Variants in ADSS1 observed in about 807,000 individuals in gnomAD.
ADSS1 encodes the protein adenylosuccinate synthetase isozyme 1.
In ADSS1, 57 loss-of-function variants were observed where a neutral mutation model predicts 59.1. The ratio of observed to expected loss-of-function variants is 0.97; its 90% CI spans 0.78 to 1.20. ADSS1 has a LOEUF of 1.20. ADSS1 is among the 50% of genes most tolerant of loss of function. ADSS1 has a pLI of 0.00. For missense variants in ADSS1, 603 were observed against 610.3 expected (o/e 0.99, Z 0.13); for synonymous variants, 247 against 249.4 (o/e 0.99, Z 0.09).
chr14:104,731,057 C>T, intron 1 of ADSS1, among the ~76,000 whole-genome samples: 1 of 109,544 alleles, frequency 9.1e-6, no homozygotes, highest in South Asian at 3.3e-4. Flanking sequence ...AACCTGGAGG[C>T]AGGTAGAGAG....
chr14:104,742,061 G>A (rs902154407), intron 9 of ADSS1, 59 bp downstream of exon 9: 20 of 1,592,556 alleles, frequency 1.3e-5, no homozygotes, highest in African/African-American at 2.7e-5. Flanking sequence ...CAGGGGTGCC[G>A]GGGGTGGGGT....
rs761771211 is a variant in ADSS1 at position 104,735,083 on chromosome 14, C to A, written c.256C>A (p.Pro86Thr). ...DGKEYDFHLL[P>T]SGIINTKAVS... ...GAAAGAGTACGACTTCCACCTGCTGCCCAGCGGCATCATCAACACCAAGGC... is the reference window on the plus strand; with the variant it reads ...GAAAGAGTACGACTTCCACCTGCTGACCAGCGGCATCATCAACACCAAGGC... The change falls in exon 2 of 13, where the codon CCC becomes ACC. Residue 86 changes from proline to threonine, a missense_variant. By Grantham distance (38) the Pro-to-Thr change is conservative. Transcript: ENST00000330877. 1 of 1,613,310 alleles carries A rather than the reference C, an allele frequency of 6.2e-7. No individual in the cohort carries two copies. The highest frequency in any genetic ancestry group is 2.2e-5 in the East Asian group (1 of 44,856).
At position 104,724,240 on chromosome 14, in the gene ADSS1, C is replaced by G. The variant is rs570126709; in HGVS notation, c.-31C>G. 12 of 1,222,874 alleles carry G rather than the reference C, an allele frequency of 9.8e-6. No homozygotes were observed. In the East Asian group the frequency reaches 2.6e-4, roughly 26 times the overall value. The allele number at this position is 1,222,874 out of a possible 1,614,324, so 75.8% of individuals were successfully genotyped here. A position where few individuals can be genotyped will look rare whatever the true frequency, so the allele number is the denominator to read the frequency against. On this transcript the variant is annotated 5_prime_UTR_variant, in exon 1 of 13. Transcript: ENST00000330877. ...ACGCCGGCGGCGGCGGGCTCCTGGC[C>G]GGGCCAGCGCAGCGGAAGAGCCAAG...
chr14:104,727,140 G>C (rs1393664673), intron 1 of ADSS1, among the ~76,000 whole-genome samples: 2 of 152,178 alleles, frequency 1.3e-5, no homozygotes, highest in African/African-American at 4.8e-5. Flanking sequence ...GCCCCGCACG[G>C]CTCGCCTCAT....
intron 11 of ADSS1, chr14:104,745,876 G>A (rs775260146): frequency 2.5e-4 from 43 of 171,888 alleles, no homozygotes; most frequent in Non-Finnish European, 8.6e-5. Context: ...TGGGGTGGGA[G>A]GACACAGATG....
At chr14:104,739,618 T>C in intron 4 of ADSS1, 132 bp from the exon 5 acceptor site, 1 of 1,074,940 alleles carries the variant, frequency 9.3e-7, no homozygotes, top group Non-Finnish European at 1.4e-6. Flanking sequence ...CACACCCCAG[T>C]TTGTCCTCTT....
intron 11 of ADSS1, 199 bp downstream of exon 11, chr14:104,745,108 G>A (rs1317224209): frequency 5.4e-6 from 3 of 551,778 alleles, no homozygotes; most frequent in Non-Finnish European, 9.8e-6. Context: ...AGGAGGCCTG[G>A]CTGGGCAGGG....
chr14:104,731,290 C>T (rs978887666), intron 1 of ADSS1, among the ~76,000 whole-genome samples: 6 of 152,208 alleles, frequency 3.9e-5, no homozygotes, highest in Non-Finnish European at 8.8e-5. Context: ...ATGATGTGGC[C>T]CTGCAGCTGC....
At chr14:104,729,441 T>A (rs1457130973) in intron 1 of ADSS1, among the ~76,000 whole-genome samples, 1 of 151,094 alleles carries the variant, frequency 6.6e-6, no homozygotes, top group African/African-American at 2.4e-5. Flanking sequence ...ACAAAGCCTG[T>A]GTGTGGAGAC....
chr14:104,736,347 C>A (rs2140785036), intron 2 of ADSS1, among the ~76,000 whole-genome samples: 1 of 152,382 alleles, frequency 6.6e-6, no homozygotes, highest in East Asian at 1.9e-4. Flanking sequence ...CAGCCGCCAG[C>A]CTCGTCCTGC....
In ADSS1 at chr14:104,740,819, GAT is replaced by G. The variant is rs776755733; in HGVS notation, c.585-19_585-18del. 1.2e-6 allele frequency: 2 copies of G among 1,613,756 alleles called. No individual in the cohort carries two copies. The highest frequency in any genetic ancestry group is 1.7e-6 in the Non-Finnish European group (2 of 1,179,916). Reference sequence around the variant, plus strand: ...AGCATGGACCATGACAGGGGGTGATGATGACTGTCCCTTGTGCAGATTCAAGA... The same window carrying G: ...AGCATGGACCATGACAGGGGGTGATGGACTGTCCCTTGTGCAGATTCAAGA... On this transcript the variant is annotated intron_variant, in intron 6 of 12. Transcript: ENST00000330877. The surrounding 1 kb of genome is among the most constrained non-coding windows in gnomAD (Gnocchi z 4.8).
intron 2 of ADSS1, chr14:104,737,696 A>C (rs1028817293): frequency 1.3e-5 from 2 of 152,264 alleles, no homozygotes; most frequent in African/African-American, 2.4e-5. Context: ...TCCCTCTCCC[A>C]GCCCCTGGCG....
At chr14:104,739,399 C>T (rs1891248048) in intron 4 of ADSS1, 21 bp downstream of exon 4, 1 of 1,594,976 alleles carries the variant, frequency 6.3e-7, no homozygotes, top group South Asian at 1.1e-5. Flanking sequence ...CACTGGAGTA[C>T]AGGGAACAGC....
At position 104,743,206 on chromosome 14, in the gene ADSS1, C is replaced by T. The variant is rs1419182076; in HGVS notation, c.1073+15C>T. On this transcript the variant is annotated intron_variant, in intron 10 of 12. Coordinates refer to ENST00000330877, the MANE Select transcript of ADSS1 (RefSeq NM_152328.5). ...GGATTCACTGCGTAAGCAACCCATG[C>T]TGCCATCCCCACTGGGACCGTCCCT... 1 of 1,607,898 alleles carries T rather than the reference C, an allele frequency of 6.2e-7. No individual in the cohort carries two copies. Among genetic ancestry groups the T allele is most frequent in the Non-Finnish European group, 8.5e-7 (1 of 1,179,484 alleles).
intron 4 of ADSS1, 48 bp downstream of exon 4, chr14:104,739,426 A>T: frequency 1.9e-6 from 3 of 1,571,480 alleles, no homozygotes; most frequent in Non-Finnish European, 2.6e-6. Context: ...TGCCCCCACC[A>T]TTGCCAGCCG....
rs750153843 is a variant in ADSS1, at chr14:104,739,646, C to G, written c.410-104C>G. The G allele has an allele frequency of 2.1e-5, 28 of 1,314,424 alleles. No homozygotes were observed. In the East Asian group the frequency reaches 2.8e-4, roughly 13 times the overall value. The allele number at this position is 1,314,424 out of a possible 1,614,324, so 81.4% of individuals were successfully genotyped here. On this transcript the variant is annotated intron_variant, in intron 4 of 12. Coordinates refer to ENST00000330877, the MANE Select transcript of ADSS1 (RefSeq NM_152328.5). ...GTCCTCTTTGAAATCTCAACCACCCCCTTCCCAGGAGACTCAGGCCAGCAG... is the reference window on the plus strand; with the variant it reads ...GTCCTCTTTGAAATCTCAACCACCCGCTTCCCAGGAGACTCAGGCCAGCAG...
At position 104,747,265 on chromosome 14, in the gene ADSS1, G is replaced by A. The variant is rs536627690; in HGVS notation, c.*262G>A. ...TGACACATTAGTGTCACATGGTTGC[G>A]TGTCCAGCCGAAGCAGTGTAATAAA... is the stretch of plus-strand genomic sequence containing the variant. On this transcript the variant is annotated 3_prime_UTR_variant, in exon 13 of 13. Coordinates refer to ENST00000330877, the MANE Select transcript of ADSS1 (RefSeq NM_152328.5). The A allele has an allele frequency of 4.8e-5, 16 of 336,150 alleles. No homozygotes were observed. Among genetic ancestry groups the A allele is most frequent in the African/African-American group, 4.2e-5 (2 of 47,980 alleles). 20.8% of individuals were successfully genotyped at this position (336,150 alleles called of 1,614,324 possible). A position where few individuals can be genotyped will look rare whatever the true frequency, so the allele number is the denominator to read the frequency against.
chr14:104,743,249 G>C, intron 10 of ADSS1, 58 bp downstream of exon 10: 1 of 1,592,902 alleles, frequency 6.3e-7, no homozygotes. Context: ...GACACCTGCA[G>C]AGGCAAGCAG....
intron 1 of ADSS1, among the ~76,000 whole-genome samples, chr14:104,728,570 G>A (rs868187448): frequency 6.6e-5 from 10 of 152,212 alleles, no homozygotes; most frequent in Non-Finnish European, 1.2e-4. Context: ...TGAACCCACT[G>A]CACCACACTG....
Sources: gnomAD v4.1 joint callset for allele counts (sites outside exome capture counted in the v4.1 genomes callset) on GRCh38, gnomAD v4.1.1 for gene constraint, Gnocchi (gnomAD v3.1) non-coding constraint, MANE v1.5 for transcripts, NCBI Gene and HGNC (gene_info 2026-07-23, HGNC 2026-07-21) for gene names.